Variants in BCL7A observed in about 807,000 individuals in gnomAD.
The protein encoded by BCL7A is BAF chromatin remodeling complex subunit BCL7A.
Under a neutral mutation model 28.4 loss-of-function variants are expected in BCL7A, and 11 were observed. The observed-to-expected ratio is 0.39, with a 90% CI of 0.24 to 0.64. BCL7A has a LOEUF of 0.64. Among genes scored for constraint, BCL7A ranks in the 30% least tolerant of loss-of-function variants. BCL7A has a pLI of 0.50. For synonymous variants in BCL7A, 123 were observed against 103.3 expected (o/e 1.19, Z -1.15); for missense variants, 222 against 274.8 (o/e 0.81, Z 1.36).
rs967623736 is a variant in BCL7A, at chr12:122,029,324, G to A, written c.93-1376G>A. 3.9e-5 allele frequency among the ~76,000 whole-genome samples: 6 copies of A among 152,082 alleles called. No individual in the cohort carries two copies. The highest frequency in any genetic ancestry group is 1.4e-4 in the African/African-American group (6 of 41,412). ...TGGGGGTGAGGTGTCTGTGGTTTCG[G>A]CTGGCTGGGTTTGAGTATGCTCCGT... On this transcript the variant is annotated intron_variant, in intron 1 of 5. Transcript: ENST00000261822. This position sits in a 1 kb window ranked among gnomAD's most constrained non-coding sequence, Gnocchi z 4.3.
At position 122,022,198 on chromosome 12, in the gene BCL7A, C is replaced by CCGCCGCCAGCCG; in HGVS notation, c.92+17_92+28dup. On this transcript the variant is annotated intron_variant, in intron 1 of 5. Transcript: ENST00000261822. ...GTGCGCAAATGGTAAGCGGAGGCGC[C>CCGCCGCCAGCCG]CGCCGCCAGCCGCCTCCCCGGCCGC... 7.0e-7 allele frequency: 1 copy of CCGCCGCCAGCCG among 1,436,792 alleles called. No homozygotes were observed. 89.0% of individuals were successfully genotyped at this position (1,436,792 alleles called of 1,614,324 possible). A position where few individuals can be genotyped will look rare whatever the true frequency, so the allele number is the denominator to read the frequency against.
intron 4 of BCL7A, among the ~76,000 whole-genome samples, chr12:122,049,075 A>G (rs1404039593): frequency 6.8e-6 from 1 of 146,500 alleles, no homozygotes; most frequent in African/African-American, 2.5e-5. Flanking sequence ...CACACAAAAA[A>G]AAATACATAA....
intron 5 of BCL7A, among the ~76,000 whole-genome samples, chr12:122,058,649 C>G (rs191455758): frequency 6.6e-6 from 1 of 152,274 alleles, no homozygotes; most frequent in East Asian, 1.9e-4. Context: ...CAGAGTGAGA[C>G]TCCATCTCAA....
At chr12:122,055,054 T>G in intron 5 of BCL7A, 128 bp downstream of exon 5, 1 of 1,562,492 alleles carries the variant, frequency 6.4e-7, no homozygotes, top group East Asian at 2.2e-5. Flanking sequence ...GGAACTGTCA[T>G]TTGTCCATTG....
intron 1 of BCL7A, among the ~76,000 whole-genome samples, chr12:122,024,987 T>C (rs1949844722): frequency 2.1e-5 from 3 of 139,604 alleles, no homozygotes; most frequent in South Asian, 5.0e-4. Context: ...GAAAAAGCTG[T>C]GGCCTCCCTC....
rs11043292 is a variant in BCL7A at position 122,029,529 on chromosome 12, G to A, written c.93-1171G>A. The stretch of plus-strand genomic sequence containing the variant: ...TGCCACACAGAATTCTCAGTTCTGG[G>A]AATTTTTGTCACCAAAATTGCTGAG... On this transcript the variant is annotated intron_variant, in intron 1 of 5. Coordinates refer to ENST00000261822, the MANE Select transcript of BCL7A (RefSeq NM_001024808.3). This position sits in a 1 kb window ranked among gnomAD's most constrained non-coding sequence, Gnocchi z 4.3. 0.11 allele frequency among the ~76,000 whole-genome samples: 17,378 copies of A among 152,196 alleles called. 2,218 individuals are homozygous for A. The highest frequency in any genetic ancestry group is 0.32 in the African/African-American group (13,217 of 41,478).
At chr12:122,035,260 C>A in intron 2 of BCL7A, 71 bp from the exon 3 acceptor site, 1 of 1,394,636 alleles carries the variant, frequency 7.2e-7, no homozygotes, top group Non-Finnish European at 1.0e-6. Flanking sequence ...CACCACTCCC[C>A]AGGGGCTCTG....
chr12:122,043,510 C>T (rs569181170), intron 3 of BCL7A, among the ~76,000 whole-genome samples: 4 of 152,086 alleles, frequency 2.6e-5, no homozygotes, highest in African/African-American at 4.8e-5. Context: ...AGTGGCTCAA[C>T]GCCTGTAATC....
chr12:122,043,917 T>A lies in BCL7A; in HGVS notation c.303T>A (p.Asp101Glu), dbSNP rs184713755. 12 of 1,613,864 alleles carry A rather than the reference T, an allele frequency of 7.4e-6. No individual in the cohort carries two copies. Among genetic ancestry groups the A allele is most frequent in the Admixed American group, 1.7e-5 (1 of 59,982 alleles). ...DDNSNQSSIA[D>E]ASPIKQENSS... is the part of the protein sequence containing the mutation. ...ACAGCAACCAGAGCTCCATCGCAGATGCCTCCCCCATCAAACAGGAGAACA... is the reference window on the plus strand; with the variant it reads ...ACAGCAACCAGAGCTCCATCGCAGAAGCCTCCCCCATCAAACAGGAGAACA... Residue 101 changes from aspartate (D) to glutamate (E), a missense_variant, in exon 4 of 6, where the codon GAT becomes GAA. This residue lies in a region of BCL7A where 155 missense variants were observed against 145.7 expected (regional missense o/e 1.06). Coordinates refer to ENST00000261822, the MANE Select transcript of BCL7A (RefSeq NM_001024808.3).
chr12:122,023,836 T>G (rs1883540449), intron 1 of BCL7A, among the ~76,000 whole-genome samples: 1 of 152,296 alleles, frequency 6.6e-6, no homozygotes, highest in African/African-American at 2.4e-5. Context: ...GCTCCCCTCC[T>G]TGCCTCAGCC....
chr12:122,046,323 G>A (rs79528374), intron 4 of BCL7A, among the ~76,000 whole-genome samples: 5,367 of 152,204 alleles, frequency 0.035, 298 homozygotes, highest in African/African-American at 0.12. Flanking sequence ...AGGAGCTGGC[G>A]AGCATGGAAT....
rs1267747533 is a variant in BCL7A, at chr12:122,036,394, T to C, written c.271+967T>C. 2.0e-5 allele frequency among the ~76,000 whole-genome samples: 3 copies of C among 152,198 alleles called. No homozygotes were observed. In the East Asian group the frequency reaches 5.8e-4, roughly 29 times the overall value. On this transcript the variant is annotated intron_variant, in intron 3 of 5. Coordinates refer to ENST00000261822, the MANE Select transcript of BCL7A (RefSeq NM_001024808.3). ...CTGCACTCCAGCCTGGGCAATACAG[T>C]GAGACCCCATCTCTTCAAAAGGCAA...
Position 122,030,695 on chromosome 12 carries a change from C to G in BCL7A, c.93-5C>G. On this transcript the variant is annotated splice_polypyrimidine_tract_variant and splice_region_variant and intron_variant, in intron 1 of 5. Transcript: ENST00000261822. ...CGGTAACAGGCTCTTCCTCATCCTC[C>G]TCAGGGAGAAGAAATGGGTGACCGT... 6.2e-7 allele frequency: 1 copy of G among 1,613,620 alleles called. No individual in the cohort carries two copies. The highest frequency in any genetic ancestry group is 8.5e-7 in the Non-Finnish European group (1 of 1,179,580).
At chr12:122,035,285 C>A in intron 2 of BCL7A, 46 bp from the exon 3 acceptor site, 1 of 1,552,778 alleles carries the variant, frequency 6.4e-7, no homozygotes, top group Non-Finnish European at 8.9e-7. Context: ...CGTGTGCGCA[C>A]ACACATGATC....
In BCL7A at chr12:122,032,641, A is replaced by G. The variant is rs200707029; in HGVS notation, c.174+1860A>G. On this transcript the variant is annotated intron_variant, in intron 2 of 5. Transcript: ENST00000261822. ...ACAGACCAGCCCCGATTAACCTGTG[A>G]TGTTAGGCAGGTGACCCCACATTGC... Among the ~76,000 whole-genome samples, 39 of 152,320 alleles carry G rather than the reference A, an allele frequency of 2.6e-4. 1 individual carries two copies. In the East Asian group the frequency reaches 7.5e-3, roughly 29 times the overall value.
chr12:122,054,962 C>G lies in BCL7A; in HGVS notation c.561+36C>G, dbSNP rs759255241. On this transcript the variant is annotated intron_variant, in intron 5 of 5. Transcript: ENST00000261822. Reference sequence around the variant, plus strand: ...CGAGGTCTCAGAGGGGCAGCCAGATCGGCCGGGAGCCCATTGGGTTGTCGG... The same window carrying G: ...CGAGGTCTCAGAGGGGCAGCCAGATGGGCCGGGAGCCCATTGGGTTGTCGG... 6 of 1,614,008 alleles carry G rather than the reference C, an allele frequency of 3.7e-6. No individual in the cohort carries two copies. Among genetic ancestry groups the G allele is most frequent in the Non-Finnish European group, 5.1e-6 (6 of 1,179,976 alleles).
At position 122,034,220 on chromosome 12, in the gene BCL7A, T is replaced by TC. The variant is rs376615841; in HGVS notation, c.175-1111_175-1110insC. ...ATATATATATATATATATATATATA[T>TC]ATATATATATATATATATATATATC... is the stretch of plus-strand genomic sequence containing the variant. On this transcript the variant is annotated intron_variant, in intron 2 of 5. Transcript: ENST00000261822. Among the ~76,000 whole-genome samples the TC allele has an allele frequency of 1.1e-4, 4 of 37,274 alleles. 1 individual carries two copies. Among genetic ancestry groups the TC allele is most frequent in the Middle Eastern group, 0.015 (1 of 68 alleles). 24.5% of individuals were successfully genotyped at this position (37,274 alleles called of 152,430 possible). A position where few individuals can be genotyped will look rare whatever the true frequency, so the allele number is the denominator to read the frequency against.
At chr12:122,034,250 C>T (rs1170146051) in intron 2 of BCL7A, among the ~76,000 whole-genome samples, 4 of 120,406 alleles carry the variant, frequency 3.3e-5, no homozygotes, top group South Asian at 2.9e-4. Context: ...TATATCTTGG[C>T]GATATTGACA....
At chr12:122,051,758 C>T (rs1300694613) in intron 4 of BCL7A, among the ~76,000 whole-genome samples, 1 of 151,962 alleles carries the variant, frequency 6.6e-6, no homozygotes, top group Admixed American at 6.6e-5. Flanking sequence ...GTGGTCAGAT[C>T]CAAAGCCACA....
Sources: gnomAD v4.1 joint callset for allele counts (sites outside exome capture counted in the v4.1 genomes callset) on GRCh38, gnomAD v4.1.1 for gene constraint, gnomAD v4.1.1 regional missense constraint, Gnocchi (gnomAD v3.1) non-coding constraint, MANE v1.5 for transcripts, NCBI Gene and HGNC (gene_info 2026-07-23, HGNC 2026-07-21) for gene names.